The following CACNA1H variants were observed in gnomAD, a reference collection of about 807,000 sequenced individuals.
The protein encoded by CACNA1H is calcium voltage-gated channel subunit alpha1 H, also known as voltage-dependent T-type calcium channel subunit alpha-1H.
In CACNA1H, 149 loss-of-function variants were observed where a neutral mutation model predicts 192.5. The ratio of observed to expected loss-of-function variants is 0.77; its 90% confidence interval spans 0.68 to 0.89. The LOEUF (loss-of-function observed/expected upper bound fraction) is 0.89, where lower values mean the gene tolerates loss of function less well. Ranked by LOEUF, CACNA1H falls within the 40% of genes least tolerant of loss-of-function variation. The pLI is 0.00. For missense variants in CACNA1H, 4,257 were observed against 3,423.5 expected, an observed-to-expected ratio of 1.24 and a Z score of -6.08; for synonymous variants, 2,202 against 1,475.2, an observed-to-expected ratio of 1.49 and a Z score of -11.29.
intron 2 of CACNA1H, among the ~76,000 whole-genome samples, chr16:1,193,576 G>A (rs954904842): frequency 4.6e-5 from 7 of 152,282 alleles, no homozygotes; most frequent in African/African-American, 1.4e-4. Flanking sequence ...ATGGGACAGC[G>A]CGTGGCTGTG....
chr16:1,202,465 C>T lies in CACNA1H; in HGVS notation c.2002+13C>T. 2 of 1,470,860 alleles carry T rather than the reference C, an allele frequency of 1.4e-6. No individual in the cohort carries two copies. Among genetic ancestry groups the T allele is most frequent in the Admixed American group, 2.3e-5 (1 of 44,052 alleles). The allele number at this position is 1,470,860 out of a possible 1,614,324, so 91.1% of individuals were successfully genotyped here. A position where few individuals can be genotyped will look rare whatever the true frequency, so the allele number is the denominator to read the frequency against. ...GTCGGGGAGCATGGTGAGGACCCAGCCCCACCCCACGGAGGAGGCGGTGGG... is the reference window on the plus strand; with the variant it reads ...GTCGGGGAGCATGGTGAGGACCCAGTCCCACCCCACGGAGGAGGCGGTGGG... On this transcript the variant is annotated intron_variant, in intron 9 of 34. Coordinates refer to ENST00000348261, the MANE Select transcript of CACNA1H (RefSeq NM_021098.3).
At chr16:1,173,951 G>A (rs1964616994) in intron 2 of CACNA1H, among the ~76,000 whole-genome samples, 1 of 152,168 alleles carries the variant, frequency 6.6e-6, no homozygotes, top group Non-Finnish European at 1.5e-5. Context: ...ATTAACCTGT[G>A]CACACAGTGG....
chr16:1,200,865 T>G (rs1596404471), intron 8 of CACNA1H, 57 bp downstream of exon 8: 3 of 1,213,120 alleles, frequency 2.5e-6, no homozygotes, highest in African/African-American at 3.5e-5. Flanking sequence ...TGGCTGGGGG[T>G]GGGGTGGGGT....
In CACNA1H at chr16:1,167,772, G is replaced by A. The variant is rs1963943552; in HGVS notation, c.299+13736G>A. Reference sequence around the variant, plus strand: ...CTCCTTCAGGGACACACCCAGACACGGGAAACGGGACACCTGGAGCTGTGG... The same window carrying A: ...CTCCTTCAGGGACACACCCAGACACAGGAAACGGGACACCTGGAGCTGTGG... On this transcript the variant is annotated intron_variant, in intron 2 of 34. Coordinates refer to ENST00000348261, the MANE Select transcript of CACNA1H (RefSeq NM_021098.3). This position sits in a 1 kb window ranked among gnomAD's most constrained non-coding sequence, Gnocchi z 4.2. Among the ~76,000 whole-genome samples, 1 of 152,206 alleles carries A rather than the reference G, an allele frequency of 6.6e-6. No individual in the cohort carries two copies. The highest frequency in any genetic ancestry group is 1.5e-5 in the Non-Finnish European group (1 of 68,034).
In CACNA1H at chr16:1,195,963, C is replaced by T. The variant is rs777592378; in HGVS notation, c.583C>T (p.Leu195Phe). ...CTCGTTGGACGGACACAACGTGAGC[C>T]TCTCGGCTATCAGGACCGTGCGGGT... Reference protein sequence around the residue: ...EYSLDGHNVSLSAIRTVRVLR... With the variant: ...EYSLDGHNVSFSAIRTVRVLR... The change falls in exon 5 of 35, where the codon CTC (leucine) becomes TTC (phenylalanine). Residue 195 changes from leucine (L) to phenylalanine (F), a missense_variant. Coordinates refer to ENST00000348261, the MANE Select transcript of CACNA1H (RefSeq NM_021098.3). 5 of 1,613,178 alleles carry T rather than the reference C, an allele frequency of 3.1e-6. No individual in the cohort carries two copies. The highest frequency in any genetic ancestry group is 3.4e-6 in the Non-Finnish European group (4 of 1,179,854).
chr16:1,162,670 G>T (rs374417146), intron 2 of CACNA1H, among the ~76,000 whole-genome samples: 1 of 149,270 alleles, frequency 6.7e-6, no homozygotes, highest in Non-Finnish European at 1.5e-5. Flanking sequence ...AGGAGGAGCC[G>T]AGCGTCTTGG....
In CACNA1H at chr16:1,187,787, C is replaced by T. The variant is rs117866126; in HGVS notation, c.300-7185C>T. On this transcript the variant is annotated intron_variant, in intron 2 of 34. Coordinates refer to ENST00000348261, the MANE Select transcript of CACNA1H (RefSeq NM_021098.3). ...GGGCTAGCGCTGCTACAGTCCCCTC[C>T]CTGGTGGTCTGAGGAGCTGAGGCTG... is the stretch of plus-strand genomic sequence containing the variant. Among the ~76,000 whole-genome samples the T allele has an allele frequency of 1.2e-3, 189 of 152,324 alleles. 5 individuals are homozygous for T. The East Asian group carries it at 0.034, about 27-fold the overall frequency.
Position 1,162,738 on chromosome 16 carries a change from G to A in CACNA1H, c.299+8702G>A, listed in dbSNP as rs546843031. Among the ~76,000 whole-genome samples the A allele has an allele frequency of 6.6e-5, 10 of 152,222 alleles. No homozygotes were observed. The East Asian group carries it at 1.4e-3, about 21-fold the overall frequency. On this transcript the variant is annotated intron_variant, in intron 2 of 34. Transcript: ENST00000348261. Reference sequence around the variant, plus strand: ...GCTCTGGTGAGCAGGGAACAAGATGGATGAGACCCGGGCCCCACTGACGCT... The same window carrying A: ...GCTCTGGTGAGCAGGGAACAAGATGAATGAGACCCGGGCCCCACTGACGCT...
In CACNA1H at chr16:1,164,138, C is replaced by T. The variant is rs1963509295; in HGVS notation, c.299+10102C>T. ...AGCCACAGAAGCAAGGGCCCTGGGC[C>T]TGAGTCCCTGACACAGAAAACCCAG... On this transcript the variant is annotated intron_variant, in intron 2 of 34. Coordinates refer to ENST00000348261, the MANE Select transcript of CACNA1H (RefSeq NM_021098.3). Among the ~76,000 whole-genome samples, 8 of 152,294 alleles carry T rather than the reference C, an allele frequency of 5.3e-5. 1 individual carries two copies. The South Asian group carries it at 1.7e-3, about 32-fold the overall frequency.
chr16:1,170,995 G>A (rs1964310817), intron 2 of CACNA1H, among the ~76,000 whole-genome samples: 1 of 151,974 alleles, frequency 6.6e-6, no homozygotes, highest in African/African-American at 2.4e-5. Flanking sequence ...TCAGGACAGG[G>A]CAGATCCTCT....
Position 1,213,847 on chromosome 16 carries a change from C to G in CACNA1H, c.4845C>G (p.Thr1615=), listed in dbSNP as rs1010056009. 6.2e-7 allele frequency: 1 copy of G among 1,607,012 alleles called. No homozygotes were observed. Among genetic ancestry groups the G allele is most frequent in the African/African-American group, 1.3e-5 (1 of 74,852 alleles). ...PTRRSIHSLC[T]SHYLDLFITF... is the part of the protein sequence containing the mutation. The stretch of plus-strand genomic sequence containing the variant: ...GCCGCTCCATTCACTCGCTGTGCAC[C>G]AGCCACTATCTCGACCTCTTCATCA... The change falls in exon 27 of 35, where the codon ACC becomes ACG. Residue 1615 remains threonine, a synonymous_variant. Coordinates refer to ENST00000348261, the MANE Select transcript of CACNA1H (RefSeq NM_021098.3).
intron 2 of CACNA1H, among the ~76,000 whole-genome samples, chr16:1,161,891 G>T (rs1963240027): frequency 6.6e-6 from 1 of 152,162 alleles, no homozygotes; most frequent in African/African-American, 2.4e-5. Context: ...GGCCTGGTCG[G>T]ACGCGTTAAT....
At chr16:1,189,685 A>C (rs747484888) in intron 2 of CACNA1H, among the ~76,000 whole-genome samples, 2 of 151,842 alleles carry the variant, frequency 1.3e-5, no homozygotes, top group African/African-American at 2.4e-5. Flanking sequence ...AGCCTCCCAA[A>C]GTGCTGGGAT....
At position 1,202,192 on chromosome 16, in the gene CACNA1H, A is replaced by G. The variant is rs1469945830; in HGVS notation, c.1742A>G (p.His581Arg). ...SVHSIYHADC[H>R]IEGPQERARV... is the part of the protein sequence containing the mutation. The stretch of plus-strand genomic sequence containing the variant: ...CACAGCATCTACCATGCCGACTGCC[A>G]CATAGAGGGGCCGCAGGAGAGGGCC... The change falls in exon 9 of 35, where the codon CAC becomes CGC. Residue 581 changes from histidine (H) to arginine (R), a missense_variant. By Grantham distance (29) the His-to-Arg change is conservative (BLOSUM62 0). Coordinates refer to ENST00000348261, the MANE Select transcript of CACNA1H (RefSeq NM_021098.3). 3 of 1,553,130 alleles carry G rather than the reference A, an allele frequency of 1.9e-6. No homozygotes were observed. Among genetic ancestry groups the G allele is most frequent in the East Asian group, 2.4e-5 (1 of 41,018 alleles).
At chr16:1,201,178 C>T (rs938771797) in intron 8 of CACNA1H, among the ~76,000 whole-genome samples, 3 of 152,166 alleles carry the variant, frequency 2.0e-5, no homozygotes, top group Admixed American at 6.5e-5. Context: ...AGGCCGCAGA[C>T]GTCTGTGGGG....
chr16:1,209,125 A>G lies in CACNA1H; in HGVS notation c.3457A>G (p.Ser1153Gly). The G allele has an allele frequency of 1.3e-6, 2 of 1,554,966 alleles. No homozygotes were observed. Among genetic ancestry groups the G allele is most frequent in the South Asian group, 1.2e-5 (1 of 84,336 alleles). Residue 1153 changes from serine (S) to glycine (G), a missense_variant, in exon 17 of 35, where the codon AGC becomes GGC. Physicochemically the swap from Ser to Gly is moderately conservative, Grantham distance 56. Coordinates refer to ENST00000348261, the MANE Select transcript of CACNA1H (RefSeq NM_021098.3). ...SSWSSLGRAP[S>G]LKRRGQCGER... The stretch of plus-strand genomic sequence containing the variant: ...CTGGAGCAGCCTGGGCCGTGCCCCC[A>G]GCCTCAAGCGCCGCGGCCAGTGTGG...
chr16:1,202,583 A>G lies in CACNA1H; in HGVS notation c.2002+131A>G, dbSNP rs549203559. 2.2e-3 allele frequency: 1,826 copies of G among 831,694 alleles called. 4 individuals are homozygous for G. The highest frequency in any genetic ancestry group is 2.9e-3 in the Non-Finnish European group (1,645 of 559,688). 51.5% of individuals were successfully genotyped at this position (831,694 alleles called of 1,614,324 possible). A position where few individuals can be genotyped will look rare whatever the true frequency, so the allele number is the denominator to read the frequency against. On this transcript the variant is annotated intron_variant, in intron 9 of 34. Coordinates refer to ENST00000348261, the MANE Select transcript of CACNA1H (RefSeq NM_021098.3). ...CCAGCTTTGACTTGTGAAACAGACC[A>G]GCTATGCCTCTGGAGCCCATAAGAA... is the stretch of plus-strand genomic sequence containing the variant.
At chr16:1,200,646 C>T in intron 7 of CACNA1H, 70 bp from the exon 8 acceptor site, 1 of 1,591,640 alleles carries the variant, frequency 6.3e-7, no homozygotes. Flanking sequence ...CCCCCCCAGC[C>T]CAGACCCCAG....
chr16:1,218,196 G>C lies in CACNA1H; in HGVS notation c.5446-14G>C, dbSNP rs751307261. ...TGGGTGTGGACCCCGGCCCACAGCT[G>C]TCCCCCACCGCAGGACACGCTGCGC... On this transcript the variant is annotated splice_polypyrimidine_tract_variant and intron_variant, in intron 32 of 34. Coordinates refer to ENST00000348261, the MANE Select transcript of CACNA1H (RefSeq NM_021098.3). 5 of 1,545,770 alleles carry C rather than the reference G, an allele frequency of 3.2e-6. No homozygotes were observed. Among genetic ancestry groups the C allele is most frequent in the East Asian group, 2.4e-5 (1 of 40,856 alleles).
Sources: gnomAD v4.1 joint callset for allele counts (sites outside exome capture counted in the v4.1 genomes callset) on GRCh38, gnomAD v4.1.1 for gene constraint, Gnocchi (gnomAD v3.1) non-coding constraint, MANE v1.5 for transcripts, NCBI Gene and HGNC (gene_info 2026-07-23, HGNC 2026-07-21) for gene names.